The following ZNF804B variants were observed in gnomAD, a reference collection of about 807,000 sequenced individuals.
The protein encoded by ZNF804B is zinc finger protein 804B, also known as zinc finger 804B.
ZNF804B carries 80 observed loss-of-function variants against 101.4 expected under a neutral mutation model. The observed-to-expected ratio is 0.79, with a 90% CI of 0.66 to 0.95. The LOEUF (loss-of-function observed/expected upper bound fraction) is 0.95. Ranked by LOEUF, ZNF804B falls within the 40% of genes least tolerant of loss-of-function variation. The pLI is 0.00. For missense variants in ZNF804B, 1,673 were observed against 1,561.9 expected, an observed-to-expected ratio of 1.07 and a Z score of -1.20; for synonymous variants, 622 against 558.8, an observed-to-expected ratio of 1.11 and a Z score of -1.59.
chr7:88,859,992 T>G (rs1791623838), intron 1 of ZNF804B, among the ~76,000 whole-genome samples: 1 of 151,878 alleles, frequency 6.6e-6, no homozygotes, highest in Non-Finnish European at 1.5e-5. Flanking sequence ...TATTTTTAAA[T>G]TATAGAAAAA....
intron 1 of ZNF804B, among the ~76,000 whole-genome samples, chr7:89,088,199 C>A (rs1284820813): frequency 2.0e-5 from 3 of 151,908 alleles, no homozygotes; most frequent in Admixed American, 6.6e-5. Flanking sequence ...ATGATTATTA[C>A]TGTTAAACCT....
intron 2 of ZNF804B, among the ~76,000 whole-genome samples, chr7:89,262,123 A>G (rs1164895971): frequency 1.3e-5 from 2 of 152,220 alleles, no homozygotes; most frequent in Non-Finnish European, 1.5e-5. Flanking sequence ...CAAAACACTC[A>G]TATTTCCCCC....
At chr7:89,283,339 A>T (rs536003316) in intron 2 of ZNF804B, among the ~76,000 whole-genome samples, 2 of 152,362 alleles carry the variant, frequency 1.3e-5, no homozygotes, top group Admixed American at 1.3e-4. Context: ...GTTAAGCATC[A>T]GGTGGTTCCA....
chr7:88,896,424 A>C (rs1792285774), intron 1 of ZNF804B, among the ~76,000 whole-genome samples: 1 of 152,176 alleles, frequency 6.6e-6, no homozygotes, highest in Non-Finnish European at 1.5e-5. Context: ...AATGAAACTA[A>C]AATTTGGGAT....
intron 2 of ZNF804B, among the ~76,000 whole-genome samples, chr7:89,269,413 A>G (rs1431632000): frequency 2.6e-5 from 4 of 152,178 alleles, no homozygotes; most frequent in Non-Finnish European, 5.9e-5. Context: ...TTATGGCTGC[A>G]TAGTATTCCA....
chr7:89,321,049 TAAGA>T (rs1790811264), intron 2 of ZNF804B, among the ~76,000 whole-genome samples: 1 of 152,070 alleles, frequency 6.6e-6, no homozygotes. Flanking sequence ...AGTAAAATAA[TAAGA>T]AATAGTTTAC....
intron 1 of ZNF804B, among the ~76,000 whole-genome samples, chr7:89,049,818 C>T (rs1210088039): frequency 6.6e-6 from 1 of 152,024 alleles, no homozygotes; most frequent in Non-Finnish European, 1.5e-5. Flanking sequence ...TCAAGACAAG[C>T]CTGGCCAACA....
intron 1 of ZNF804B, among the ~76,000 whole-genome samples, chr7:89,194,538 C>T (rs1788515040): frequency 6.7e-6 from 1 of 149,594 alleles, no homozygotes; most frequent in Non-Finnish European, 1.5e-5. Context: ...TATGGCTAGC[C>T]AGTTTTCCCA....
At chr7:89,112,476 A>AT (rs1268172083) in intron 1 of ZNF804B, among the ~76,000 whole-genome samples, 20 of 152,120 alleles carry the variant, frequency 1.3e-4, no homozygotes, top group Admixed American at 9.2e-4. Context: ...CAATTGATCT[A>AT]TTTGTCTGTT....
chr7:89,015,605 C>T (rs934973033), intron 1 of ZNF804B, among the ~76,000 whole-genome samples: 13 of 151,542 alleles, frequency 8.6e-5, no homozygotes, highest in South Asian at 4.2e-4. Flanking sequence ...TTTGTCCTTG[C>T]GATAGTTTAC....
At chr7:88,854,476 T>TTTC (rs1554340148) in intron 1 of ZNF804B, among the ~76,000 whole-genome samples, 2 of 48,718 alleles carry the variant, frequency 4.1e-5, no homozygotes, top group South Asian at 6.9e-4. Flanking sequence ...TCTTTCTTTC[T>TTTC]CTTTCCTTTC....
At chr7:88,945,102 C>G (rs1562839943) in intron 1 of ZNF804B, among the ~76,000 whole-genome samples, 1 of 151,982 alleles carries the variant, frequency 6.6e-6, no homozygotes, top group African/African-American at 2.4e-5. Flanking sequence ...AATTAGATCC[C>G]ATTTCTCAAT....
At chr7:89,171,131 A>G (rs1408939657) in intron 1 of ZNF804B, among the ~76,000 whole-genome samples, 1 of 152,230 alleles carries the variant, frequency 6.6e-6, no homozygotes, top group East Asian at 1.9e-4. Flanking sequence ...CGGTCAATTT[A>G]TAACATGTGG....
chr7:88,815,106 T>C (rs1236263862), intron 1 of ZNF804B, among the ~76,000 whole-genome samples: 1 of 148,600 alleles, frequency 6.7e-6, no homozygotes, highest in Admixed American at 6.7e-5. Context: ...ATTATGTATA[T>C]TCTCACATAT....
chr7:89,123,387 C>T (rs577081402), intron 1 of ZNF804B, among the ~76,000 whole-genome samples: 1 of 152,102 alleles, frequency 6.6e-6, no homozygotes, highest in Admixed American at 6.6e-5. Flanking sequence ...TGTGAAGATG[C>T]ACCTCCTCCA....
At chr7:89,326,208 G>T (rs1270684631) in intron 2 of ZNF804B, among the ~76,000 whole-genome samples, 1 of 151,950 alleles carries the variant, frequency 6.6e-6, no homozygotes, top group Non-Finnish European at 1.5e-5. Flanking sequence ...CCCTGTAGCT[G>T]TTTCTAATTC....
intron 1 of ZNF804B, among the ~76,000 whole-genome samples, chr7:89,211,049 A>T (rs764122646): frequency 8.5e-5 from 13 of 152,146 alleles, no homozygotes; most frequent in Non-Finnish European, 1.3e-4. Flanking sequence ...CTGGTGAGAG[A>T]TGGTATTTCA....
intron 2 of ZNF804B, among the ~76,000 whole-genome samples, chr7:89,240,355 G>A (rs1298999225): frequency 1.3e-5 from 2 of 152,018 alleles, no homozygotes; most frequent in African/African-American, 2.4e-5. Flanking sequence ...TTTTGGTTAT[G>A]TGAGCTTTGC....
chr7:88,830,498 T>C (rs1583963278), intron 1 of ZNF804B, among the ~76,000 whole-genome samples: 1 of 152,162 alleles, frequency 6.6e-6, no homozygotes, highest in East Asian at 1.9e-4. Flanking sequence ...TAACCTTCTT[T>C]TTATACTCAA....
Sources: allele counts gnomAD v4.1 joint callset (sites outside exome capture counted in the v4.1 genomes callset), GRCh38; gene constraint gnomAD v4.1.1; transcripts MANE v1.5; gene names NCBI Gene and HGNC (gene_info 2026-07-23, HGNC 2026-07-21).